The following DLG2 variants were observed in gnomAD, a reference collection of about 807,000 sequenced individuals.
The protein encoded by DLG2 is discs large MAGUK scaffold protein 2.
DLG2 carries 45 observed loss-of-function variants against 132.5 expected under a neutral mutation model. The observed-to-expected ratio is 0.34, with a 90% CI of 0.27 to 0.44. The LOEUF (loss-of-function observed/expected upper bound fraction) is 0.44. Ranked by LOEUF, DLG2 falls within the 20% of genes least tolerant of loss-of-function variation. DLG2 has a pLI of 1.00. For missense variants in DLG2, 1,045 were observed against 1,196.9 expected (o/e 0.87, Z 1.87); for synonymous variants, 424 against 419.6 (o/e 1.01, Z -0.13).
chr11:85,164,759 G>C (rs2078306226), intron 4 of DLG2, among the ~76,000 whole-genome samples: 1 of 152,182 alleles, frequency 6.6e-6, no homozygotes, highest in Non-Finnish European at 1.5e-5. Context: ...TAACTCATTA[G>C]ATTAAAAAGC....
intron 6 of DLG2, among the ~76,000 whole-genome samples, chr11:84,677,490 G>A (rs573385171): frequency 3.9e-5 from 6 of 152,074 alleles, no homozygotes; most frequent in Non-Finnish European, 7.4e-5. Flanking sequence ...ACCTAGAAAT[G>A]AGAACTACTT....
At chr11:84,528,482 A>G (rs1176754124) in intron 7 of DLG2, among the ~76,000 whole-genome samples, 1 of 152,202 alleles carries the variant, frequency 6.6e-6, no homozygotes, top group African/African-American at 2.4e-5. Context: ...TGTGACAGTG[A>G]GATTATTCAG....
intron 18 of DLG2, 21 bp from the exon 19 acceptor site, chr11:83,633,346 A>G (rs753470203): frequency 3.1e-6 from 5 of 1,606,302 alleles, no homozygotes; most frequent in Non-Finnish European, 4.3e-6. Context: ...AAACAAAGGT[A>G]GCAAATTTTG....
intron 16 of DLG2, among the ~76,000 whole-genome samples, chr11:83,838,171 T>C (rs2154010884): frequency 6.6e-6 from 1 of 152,328 alleles, no homozygotes; most frequent in South Asian, 2.1e-4. Context: ...ATACTGATTT[T>C]GCAACTACTT....
intron 19 of DLG2, among the ~76,000 whole-genome samples, chr11:83,604,615 C>G (rs971685421): frequency 6.6e-5 from 10 of 151,922 alleles, no homozygotes; most frequent in Admixed American, 3.9e-4. Context: ...TTGTTCAATA[C>G]CAAGAGAAAA....
intron 7 of DLG2, among the ~76,000 whole-genome samples, chr11:84,445,616 T>A (rs1248859317): frequency 6.6e-6 from 1 of 152,136 alleles, no homozygotes; most frequent in African/African-American, 2.4e-5. Context: ...TGATTATTTA[T>A]AAAATAAGTC....
intron 4 of DLG2, among the ~76,000 whole-genome samples, chr11:85,168,523 C>T (rs1476232803): frequency 2.0e-5 from 3 of 152,006 alleles, no homozygotes; most frequent in Admixed American, 6.6e-5. Context: ...GAATCTTAGA[C>T]ATTATGCCAA....
intron 6 of DLG2, among the ~76,000 whole-genome samples, chr11:85,029,445 G>T (rs1408143924): frequency 6.6e-6 from 1 of 152,104 alleles, no homozygotes; most frequent in East Asian, 1.9e-4. Flanking sequence ...GTGTTATCTG[G>T]GTGCTAAGAT....
intron 12 of DLG2, among the ~76,000 whole-genome samples, chr11:83,970,683 C>T (rs2091158109): frequency 1.3e-5 from 2 of 152,252 alleles, no homozygotes; most frequent in Admixed American, 1.3e-4. Context: ...GCAGTTACTG[C>T]TTCAAAAGGC....
At position 85,512,954 on chromosome 11, in the gene DLG2, A is replaced by G. The variant is rs560999948; in HGVS notation, c.40+85703T>C. Among the ~76,000 whole-genome samples the G allele has an allele frequency of 3.9e-5, 6 of 152,260 alleles. 1 individual carries two copies. The South Asian group carries it at 1.2e-3, about 32-fold the overall frequency. Reference sequence around the variant, plus strand: ...ATGGAATCAACCCAGTTGCCCATCAACAGTAAACTGGACAAAGTAAATGTG... The same window carrying G: ...ATGGAATCAACCCAGTTGCCCATCAGCAGTAAACTGGACAAAGTAAATGTG... On this transcript the variant is annotated intron_variant, in intron 3 of 27. Coordinates refer to ENST00000376104, the MANE Select transcript of DLG2 (RefSeq NM_001142699.3).
intron 6 of DLG2, among the ~76,000 whole-genome samples, chr11:84,744,952 CCCT>C (rs1311774907): frequency 6.7e-6 from 1 of 148,380 alleles, no homozygotes; most frequent in East Asian, 2.0e-4. Context: ...ATAAAACACA[CCCT>C]CCTCATCTTT....
At chr11:84,589,444 C>T (rs1488834240) in intron 6 of DLG2, among the ~76,000 whole-genome samples, 1 of 152,000 alleles carries the variant, frequency 6.6e-6, no homozygotes, top group African/African-American at 2.4e-5. Context: ...GAAGCTCAAT[C>T]CTGTGAAAAG....
intron 3 of DLG2, among the ~76,000 whole-genome samples, chr11:85,427,967 G>A (rs978497945): frequency 6.6e-6 from 1 of 152,056 alleles, no homozygotes; most frequent in Non-Finnish European, 1.5e-5. Context: ...AAAAGGCAGA[G>A]GTTGCAATCC....
chr11:85,575,197 G>A (rs1449753550), intron 3 of DLG2, among the ~76,000 whole-genome samples: 1 of 150,520 alleles, frequency 6.6e-6, no homozygotes, highest in Non-Finnish European at 1.5e-5. Flanking sequence ...TCCATAATCT[G>A]TCTTCCCACC....
At chr11:84,397,244 C>T (rs2098813962) in intron 7 of DLG2, among the ~76,000 whole-genome samples, 1 of 152,180 alleles carries the variant, frequency 6.6e-6, no homozygotes, top group Non-Finnish European at 1.5e-5. Flanking sequence ...ATTATACACT[C>T]TGCCTCTCTT....
chr11:85,208,215 G>C (rs1343784739), intron 4 of DLG2, among the ~76,000 whole-genome samples: 3 of 152,046 alleles, frequency 2.0e-5, no homozygotes, highest in Non-Finnish European at 4.4e-5. Flanking sequence ...AAGCAGGAAT[G>C]GAAGCTAGAC....
intron 4 of DLG2, among the ~76,000 whole-genome samples, chr11:85,159,810 T>A (rs1205038224): frequency 1.3e-5 from 2 of 152,138 alleles, no homozygotes; most frequent in Admixed American, 6.5e-5. Context: ...ACCTCAGGGG[T>A]ATATCAACTC....
intron 6 of DLG2, among the ~76,000 whole-genome samples, chr11:84,727,761 C>T (rs2062662973): frequency 2.6e-5 from 4 of 152,244 alleles, no homozygotes; most frequent in Admixed American, 2.6e-4. Context: ...TTTGTGTCCT[C>T]TCTTATTTCC....
intron 6 of DLG2, among the ~76,000 whole-genome samples, chr11:84,749,704 G>A (rs2065858384): frequency 6.6e-6 from 1 of 152,092 alleles, no homozygotes; most frequent in African/African-American, 2.4e-5. Flanking sequence ...ATGCATGGCT[G>A]TTTTTGTACA....
Sources: allele counts gnomAD v4.1 joint callset (sites outside exome capture counted in the v4.1 genomes callset), GRCh38; gene constraint gnomAD v4.1.1; transcripts MANE v1.5; gene names NCBI Gene and HGNC (gene_info 2026-07-23, HGNC 2026-07-21).